Variants in PTK2 observed in about 807,000 individuals in gnomAD.
The protein encoded by PTK2 is protein tyrosine kinase 2, also known as focal adhesion kinase 1.
A neutral mutation model predicts 150.1 loss-of-function variants in PTK2; 45 were observed. That is an observed-to-expected ratio of 0.30 (90% CI 0.24 to 0.38). The LOEUF (loss-of-function observed/expected upper bound fraction) is 0.38. Among genes scored for constraint, PTK2 ranks in the 10% least tolerant of loss-of-function variants. The pLI, the probability that PTK2 is intolerant of heterozygous loss-of-function variation, is 1.00. For missense variants in PTK2, 919 were observed against 1,307.3 expected (o/e 0.70, Z 4.58); for synonymous variants, 432 against 449.2 (o/e 0.96, Z 0.48).
At chr8:140,873,135 G>C (rs1480129656) in intron 4 of PTK2, among the ~76,000 whole-genome samples, 1 of 152,208 alleles carries the variant, frequency 6.6e-6, no homozygotes, top group Admixed American at 6.5e-5. Flanking sequence ...GAACTTGAAA[G>C]GGAACTGCAG....
In PTK2 at chr8:140,915,625, G is replaced by A. The variant is rs532195410; in HGVS notation, c.-33+10036C>T. ...AAAACCCCATATCCAGGCCGGGCAC[G>A]GTGGCTCACGCCTGTAATCCCAGCA... On this transcript the variant is annotated intron_variant, in intron 2 of 31. Coordinates refer to ENST00000522684, the Ensembl canonical transcript of PTK2. Among the ~76,000 whole-genome samples, 31 of 152,124 alleles carry A rather than the reference G, an allele frequency of 2.0e-4. No individual in the cohort carries two copies. The South Asian group carries it at 2.9e-3, about 14-fold the overall frequency.
At chr8:140,894,939 A>G (rs1174870051) in intron 2 of PTK2, among the ~76,000 whole-genome samples, 2 of 152,242 alleles carry the variant, frequency 1.3e-5, no homozygotes, top group African/African-American at 4.8e-5. Flanking sequence ...AGGATAATAC[A>G]TAATCTTTGC....
At chr8:140,669,301 G>GTGTATATATATATATATATATATA (rs1554641612) in intron 29 of PTK2, 1 of 97,984 alleles carries the variant, frequency 1.0e-5, no homozygotes, top group Admixed American at 1.0e-4. Context: ...GCATAAAATG[G>GTGTATATATATATATATATATATA]TATATATATA....
intron 2 of PTK2, among the ~76,000 whole-genome samples, chr8:140,912,319 T>C (rs566794923): frequency 6.6e-6 from 1 of 150,886 alleles, no homozygotes; most frequent in Non-Finnish European, 1.5e-5. Context: ...ATCTCAGCAA[T>C]GCAGGTTGTT....
chr8:140,863,762 G>T (rs1313032028), intron 5 of PTK2, among the ~76,000 whole-genome samples: 3 of 152,142 alleles, frequency 2.0e-5, no homozygotes, highest in Non-Finnish European at 4.4e-5. Flanking sequence ...TAAAGGTGTG[G>T]ATTATGCGAT....
chr8:140,903,549 G>A (rs965937447), intron 2 of PTK2, among the ~76,000 whole-genome samples: 1 of 152,132 alleles, frequency 6.6e-6, no homozygotes, highest in Non-Finnish European at 1.5e-5. Flanking sequence ...GAAAGTCAAT[G>A]GGAGCTTCAT....
At chr8:140,880,326 T>C (rs1271929698) in intron 3 of PTK2, among the ~76,000 whole-genome samples, 1 of 152,208 alleles carries the variant, frequency 6.6e-6, no homozygotes, top group African/African-American at 2.4e-5. Context: ...GAATGTTCCC[T>C]AGAGATGGTG....
intron 1 of PTK2, among the ~76,000 whole-genome samples, chr8:140,979,196 C>T (rs1416363728): frequency 2.0e-5 from 3 of 150,154 alleles, no homozygotes; most frequent in Admixed American, 6.6e-5. Flanking sequence ...ACCAACATGG[C>T]ACATGTATAC....
intron 16 of PTK2, among the ~76,000 whole-genome samples, chr8:140,759,530 T>TAA (rs761643170): frequency 0.45 from 25,906 of 57,724 alleles, 5,570 homozygotes; most frequent in East Asian, 0.56. Flanking sequence ...GACCCTGTCC[T>TAA]AAAAAAAAAA....
At chr8:140,747,188 C>T (rs1006370212) in intron 17 of PTK2, 2 of 197,746 alleles carry the variant, frequency 1.0e-5, no homozygotes, top group East Asian at 1.4e-4. Flanking sequence ...CCGCACCCGG[C>T]CTAGTTATTC....
chr8:140,786,701 T>TAGGG (rs2100085173), intron 14 of PTK2, among the ~76,000 whole-genome samples: 1 of 151,828 alleles, frequency 6.6e-6, no homozygotes, highest in Non-Finnish European at 1.5e-5. Context: ...AAGCAAGCAG[T>TAGGG]AGGGGAATGA....
exon 32 of PTK2, chr8:140,659,297 A>G: frequency 1.8e-6 from 1 of 549,632 alleles, no homozygotes; most frequent in South Asian, 3.1e-5. Flanking sequence ...AACCCAAATC[A>G]AAGTGTGGTT....
intron 3 of PTK2, among the ~76,000 whole-genome samples, chr8:140,883,417 A>T (rs1030013302): frequency 2.0e-5 from 3 of 152,218 alleles, no homozygotes; most frequent in Admixed American, 1.3e-4. Flanking sequence ...CTTAATTTTC[A>T]GATTTATTAC....
intron 24 of PTK2, among the ~76,000 whole-genome samples, chr8:140,703,806 A>G (rs936331785): frequency 6.6e-6 from 1 of 152,216 alleles, no homozygotes; most frequent in Admixed American, 6.5e-5. Context: ...CTCTCAATCA[A>G]GAGAAAGAGA....
intron 15 of PTK2, among the ~76,000 whole-genome samples, chr8:140,763,980 T>C (rs565790000): frequency 2.6e-5 from 4 of 152,240 alleles, no homozygotes; most frequent in Admixed American, 1.3e-4. Flanking sequence ...GGTTCTATTA[T>C]GATAGAGTCA....
intron 4 of PTK2, among the ~76,000 whole-genome samples, chr8:140,865,707 G>A (rs950572554): frequency 1.2e-4 from 19 of 152,158 alleles, no homozygotes; most frequent in African/African-American, 4.1e-4. Context: ...TCTACATTGG[G>A]TTATTATGTA....
chr8:140,915,102 A>T (rs891818300), intron 2 of PTK2, among the ~76,000 whole-genome samples: 6 of 151,902 alleles, frequency 3.9e-5, no homozygotes, highest in African/African-American at 1.5e-4. Context: ...AGCAGGACAG[A>T]TAGGATTCCC....
intron 1 of PTK2, among the ~76,000 whole-genome samples, chr8:140,990,794 T>C (rs1404552190): frequency 2.0e-5 from 3 of 152,180 alleles, no homozygotes; most frequent in Non-Finnish European, 4.4e-5. Flanking sequence ...GTCATTTTAG[T>C]CTTTCTAATT....
intron 10 of PTK2, among the ~76,000 whole-genome samples, chr8:140,810,608 CAG>C (rs1281407910): frequency 6.6e-6 from 1 of 152,206 alleles, no homozygotes; most frequent in Non-Finnish European, 1.5e-5. Context: ...CAATTCCCAA[CAG>C]AGTTTTGCTG....
Sources: allele counts gnomAD v4.1 joint callset (sites outside exome capture counted in the v4.1 genomes callset), GRCh38; gene constraint gnomAD v4.1.1; transcripts MANE v1.5; gene names NCBI Gene and HGNC (gene_info 2026-07-23, HGNC 2026-07-21).